CDH12: variants seen among roughly 807,000 people sequenced by gnomAD.
CDH12 encodes cadherin 12, also known as cadherin-12.
A neutral mutation model predicts 74.1 loss-of-function variants in CDH12; 41 were observed. That is an observed-to-expected ratio of 0.55 (90% CI 0.43 to 0.72). The LOEUF (loss-of-function observed/expected upper bound fraction) is 0.72, where lower values mean the gene tolerates loss of function less well. Ranked by LOEUF, CDH12 falls within the 30% of genes least tolerant of loss-of-function variation. The probability of loss-of-function intolerance (pLI) is 0.00; values close to 1 mark genes in which losing one functional copy is unlikely to be tolerated. For missense variants in CDH12, 945 were observed against 977.2 expected, an observed-to-expected ratio of 0.97 and a Z score of 0.44; for synonymous variants, 399 against 355.0, an observed-to-expected ratio of 1.12 and a Z score of -1.39.
At chr5:22,398,873 T>G (rs66521357) in intron 3 of CDH12, among the ~76,000 whole-genome samples, 50,915 of 151,944 alleles carry the variant, frequency 0.34, 10,136 homozygotes, top group Admixed American at 0.46. Context: ...AGCTTTAAAA[T>G]TCATAATTTT....
chr5:22,297,074 T>C lies in CDH12; in HGVS notation c.-332-84431A>G, dbSNP rs1190289325. ...TTTGCTCTTGTTGCCCAGGCTGGAGTGCAATGGCTGCATCTCTGCTCACTG... is the reference window on the plus strand; with the variant it reads ...TTTGCTCTTGTTGCCCAGGCTGGAGCGCAATGGCTGCATCTCTGCTCACTG... On this transcript the variant is annotated intron_variant, in intron 3 of 14. Transcript: ENST00000382254. Among the ~76,000 whole-genome samples, 3 of 152,030 alleles carry C rather than the reference T, an allele frequency of 2.0e-5. 1 individual carries two copies. Among genetic ancestry groups the C allele is most frequent in the Admixed American group, 2.0e-4 (3 of 15,254 alleles).
intron 1 of CDH12, among the ~76,000 whole-genome samples, chr5:22,667,351 G>A (rs997266016): frequency 2.0e-5 from 3 of 152,092 alleles, no homozygotes; most frequent in Admixed American, 2.0e-4. Context: ...TTGCTAGACA[G>A]GTCACCCCAG....
chr5:21,862,637 C>T (rs972412868), intron 6 of CDH12, among the ~76,000 whole-genome samples: 1 of 152,088 alleles, frequency 6.6e-6, no homozygotes, highest in African/African-American at 2.4e-5. Context: ...AAGTATGTTA[C>T]ATAATTATTT....
chr5:22,580,280 G>A (rs549837999), intron 1 of CDH12: 30 of 369,800 alleles, frequency 8.1e-5, no homozygotes, highest in South Asian at 6.4e-4. Context: ...AACATTGGAT[G>A]GCAAAGAGGT....
intron 5 of CDH12, among the ~76,000 whole-genome samples, chr5:21,988,858 G>T (rs1014450432): frequency 6.6e-6 from 1 of 152,038 alleles, no homozygotes; most frequent in African/African-American, 2.4e-5. Context: ...AAATATTAGG[G>T]CTGTGCTTCA....
At chr5:21,959,475 C>A (rs533921560) in intron 6 of CDH12, among the ~76,000 whole-genome samples, 49 of 152,174 alleles carry the variant, frequency 3.2e-4, no homozygotes, top group African/African-American at 1.1e-3. Flanking sequence ...GTCTTTGAGA[C>A]CTATCTCACA....
intron 1 of CDH12, among the ~76,000 whole-genome samples, chr5:22,795,536 TTA>T (rs2126398630): frequency 6.6e-6 from 1 of 151,630 alleles, no homozygotes; most frequent in South Asian, 2.1e-4. Flanking sequence ...ATATACACAC[TTA>T]TATACATACA....
intron 4 of CDH12, among the ~76,000 whole-genome samples, chr5:22,208,018 C>T (rs897557109): frequency 6.6e-6 from 1 of 152,160 alleles, no homozygotes; most frequent in East Asian, 1.9e-4. Flanking sequence ...GTGATTGGCT[C>T]AATTTTCAAT....
chr5:21,841,096 G>C (rs938210900), intron 8 of CDH12, among the ~76,000 whole-genome samples: 1 of 152,068 alleles, frequency 6.6e-6, no homozygotes, highest in Non-Finnish European at 1.5e-5. Flanking sequence ...GAAAATTTTC[G>C]CAAGCTACTC....
chr5:22,737,563 G>T (rs975841387), intron 1 of CDH12, among the ~76,000 whole-genome samples: 11 of 151,822 alleles, frequency 7.2e-5, no homozygotes, highest in African/African-American at 2.7e-4. Flanking sequence ...AATAGAAATA[G>T]AAATTACTAA....
At position 22,693,119 on chromosome 5, in the gene CDH12, G is replaced by T. The variant is rs1011935873; in HGVS notation, c.-523+159939C>A. ...TCCTGCTTCAGCATCCAGAGTAGCTGGGATGACAAGCACACACAACCTCTT... is the reference window on the plus strand; with the variant it reads ...TCCTGCTTCAGCATCCAGAGTAGCTTGGATGACAAGCACACACAACCTCTT... On this transcript the variant is annotated intron_variant, in intron 1 of 14. Transcript: ENST00000382254. Among the ~76,000 whole-genome samples the T allele has an allele frequency of 4.0e-5, 6 of 151,826 alleles. No individual in the cohort carries two copies. The East Asian group carries it at 1.2e-3, about 29-fold the overall frequency.
chr5:21,834,996 A>G (rs1014359276), intron 8 of CDH12, among the ~76,000 whole-genome samples: 7 of 151,948 alleles, frequency 4.6e-5, no homozygotes, highest in Non-Finnish European at 1.0e-4. Flanking sequence ...GATAGTGATA[A>G]GAGTGGCAAT....
intron 1 of CDH12, among the ~76,000 whole-genome samples, chr5:22,617,158 G>A (rs1737734504): frequency 6.6e-6 from 1 of 151,974 alleles, no homozygotes; most frequent in Admixed American, 6.6e-5. Context: ...AAAGAAATGA[G>A]CCACCATGCC....
At chr5:22,554,150 T>C (rs1264000325) in intron 1 of CDH12, among the ~76,000 whole-genome samples, 1 of 152,034 alleles carries the variant, frequency 6.6e-6, no homozygotes, top group Non-Finnish European at 1.5e-5. Flanking sequence ...TGCTGGGAAT[T>C]AGGGAGAGGG....
intron 6 of CDH12, among the ~76,000 whole-genome samples, chr5:21,898,972 A>G (rs976140556): frequency 6.6e-6 from 1 of 152,154 alleles, no homozygotes; most frequent in Admixed American, 6.6e-5. Context: ...AGTCTATCTC[A>G]CACAATTTCT....
chr5:22,154,270 A>C (rs989912988), intron 4 of CDH12, among the ~76,000 whole-genome samples: 4 of 151,350 alleles, frequency 2.6e-5, no homozygotes, highest in African/African-American at 9.7e-5. Flanking sequence ...CTCTAAGCTG[A>C]TTTCAATTAT....
chr5:22,558,162 T>G (rs992834542), intron 1 of CDH12, among the ~76,000 whole-genome samples: 1 of 152,014 alleles, frequency 6.6e-6, no homozygotes, highest in African/African-American at 2.4e-5. Flanking sequence ...TGCAAAGAGA[T>G]AAACCAGAGA....
chr5:22,021,728 A>G (rs1430941316), intron 5 of CDH12, among the ~76,000 whole-genome samples: 3 of 152,162 alleles, frequency 2.0e-5, no homozygotes, highest in Non-Finnish European at 4.4e-5. Flanking sequence ...CTAATAGTTG[A>G]GTAAAAAATA....
chr5:21,968,428 C>G (rs1183130467), intron 6 of CDH12, among the ~76,000 whole-genome samples: 1 of 152,180 alleles, frequency 6.6e-6, no homozygotes, highest in East Asian at 1.9e-4. Context: ...GATATGCACT[C>G]TTAACAAGTT....
Sources: allele counts gnomAD v4.1 joint callset (sites outside exome capture counted in the v4.1 genomes callset), GRCh38; gene constraint gnomAD v4.1.1; transcripts MANE v1.5; gene names NCBI Gene and HGNC (gene_info 2026-07-23, HGNC 2026-07-21).